NUP98: variants seen among roughly 807,000 people sequenced by gnomAD.
NUP98 encodes nucleoporin 98 and 96 precursor, also known as nuclear pore complex protein Nup98-Nup96.
In NUP98, 26 loss-of-function variants were observed where a neutral mutation model predicts 191.9. The ratio of observed to expected loss-of-function variants is 0.14; its 90% CI spans 0.10 to 0.19. NUP98 has a LOEUF of 0.19. Among genes scored for constraint, NUP98 ranks in the 10% least tolerant of loss-of-function variants. The pLI is 1.00. For synonymous variants in NUP98, 808 were observed against 778.4 expected (o/e 1.04, Z -0.63); for missense variants, 1,941 against 2,178.8 (o/e 0.89, Z 2.17).
intron 1 of NUP98, among the ~76,000 whole-genome samples, chr11:3,785,064 A>G (rs1309277838): frequency 1.3e-5 from 2 of 151,016 alleles, no homozygotes; most frequent in East Asian, 4.0e-4. Context: ...CTTGAACCCC[A>G]GAGGTGGAGC....
rs2077790060 is a variant in NUP98, at chr11:3,675,824, A to G, written c.*335T>C. ...GGGAAGCTGGTTGGCATGGAGGGTC[A>G]CAAGATCCAGAATGGCTAGGGATGG... On this transcript the variant is annotated 3_prime_UTR_variant, in exon 33 of 33. Transcript: ENST00000324932. 1 of 405,078 alleles carries G rather than the reference A, an allele frequency of 2.5e-6. No homozygotes were observed. Among genetic ancestry groups the G allele is most frequent in the Non-Finnish European group, 4.5e-6 (1 of 220,252 alleles). 25.1% of individuals were successfully genotyped at this position (405,078 alleles called of 1,614,324 possible).
chr11:3,758,282 C>T (rs894784673), intron 10 of NUP98, among the ~76,000 whole-genome samples: 2 of 150,498 alleles, frequency 1.3e-5, no homozygotes, highest in African/African-American at 4.9e-5. Flanking sequence ...TATCTGGCCA[C>T]TGCACTCCCG....
At chr11:3,727,091 T>C (rs1193129866) in intron 14 of NUP98, among the ~76,000 whole-genome samples, 1 of 152,092 alleles carries the variant, frequency 6.6e-6, no homozygotes, top group African/African-American at 2.4e-5. Flanking sequence ...CAAACTTTTC[T>C]AGAAAATAGA....
chr11:3,675,106 T>A lies in NUP98; in HGVS notation c.*1053A>T, dbSNP rs562295045. The A allele has an allele frequency of 2.7e-5, 5 of 182,958 alleles. No homozygotes were observed. The highest frequency in any genetic ancestry group is 7.1e-5 in the African/African-American group (3 of 42,454). 11.3% of individuals were successfully genotyped at this position (182,958 alleles called of 1,614,324 possible). The stretch of plus-strand genomic sequence containing the variant: ...ATCATTTATTTATACATATATATAT[T>A]TTTTAATAAAAACCTTTACATTATC... On this transcript the variant is annotated 3_prime_UTR_variant, in exon 33 of 33. Coordinates refer to ENST00000324932, the MANE Select transcript of NUP98 (RefSeq NM_016320.5).
At chr11:3,714,814 AG>A (rs1320837268) in intron 18 of NUP98, 1 of 152,458 alleles carries the variant, frequency 6.6e-6, no homozygotes, top group Non-Finnish European at 1.5e-5. Context: ...TATCCTTGTG[AG>A]GGACCATGCT....
intron 1 of NUP98, among the ~76,000 whole-genome samples, chr11:3,794,140 A>G (rs1247318703): frequency 5.3e-5 from 8 of 152,124 alleles, no homozygotes; most frequent in African/African-American, 1.4e-4. Context: ...ATATCCTACA[A>G]TATACAACAG....
intron 20 of NUP98, among the ~76,000 whole-genome samples, chr11:3,709,674 GAA>G (rs767248887): frequency 1.7e-4 from 23 of 132,078 alleles, no homozygotes; most frequent in African/African-American, 5.8e-4. Flanking sequence ...CTTTGCCTCA[GAA>G]AAAAAAAAAA....
intron 28 of NUP98, among the ~76,000 whole-genome samples, chr11:3,690,061 C>T (rs2078262161): frequency 6.7e-6 from 1 of 149,938 alleles, no homozygotes; most frequent in Non-Finnish European, 1.5e-5. Context: ...AAGTGATTCT[C>T]CTGCCTCAGT....
chr11:3,706,607 C>G lies in NUP98; in HGVS notation c.2763G>C (p.Glu921Asp). 1 of 1,613,916 alleles carries G rather than the reference C, an allele frequency of 6.2e-7. No individual in the cohort carries two copies. The highest frequency in any genetic ancestry group is 8.5e-7 in the Non-Finnish European group (1 of 1,179,988). The change falls in exon 21 of 33, where the codon GAG (glutamate) becomes GAC (aspartate). Residue 921 changes from glutamate (E) to aspartate (D), a missense_variant. Physicochemically the swap from Glu to Asp is conservative, Grantham distance 45 (BLOSUM62 2). Coordinates refer to ENST00000324932, the MANE Select transcript of NUP98 (RefSeq NM_016320.5). ...PPPQSQSPEV[E>D]QLGRVVELDS... ...CCAGTTCCACAACCCTCCCTAACTGCTCCACCTCTGGGCTCTGGCTCTGTA... is the reference window on the plus strand; with the variant it reads ...CCAGTTCCACAACCCTCCCTAACTGGTCCACCTCTGGGCTCTGGCTCTGTA...
chr11:3,775,919 A>G lies in NUP98; in HGVS notation c.458T>C (p.Phe153Ser). 6.2e-7 allele frequency: 1 copy of G among 1,613,976 alleles called. No individual in the cohort carries two copies. The highest frequency in any genetic ancestry group is 1.3e-5 in the African/African-American group (1 of 75,038). The change falls in exon 5 of 33, where the codon TTT (phenylalanine) becomes TCT (serine). Residue 153 changes from phenylalanine to serine, a missense_variant. Phe to Ser is a radical substitution (Grantham distance 155). Around this residue, in one of 6 missense-constraint regions of NUP98, gnomAD observed 154 missense variants for 182.9 expected, o/e 0.84. Coordinates refer to ENST00000324932, the MANE Select transcript of NUP98 (RefSeq NM_016320.5). ...TSGSLFGPSSFTAAPTGTTIK... is the reference protein window; with the variant it reads ...TSGSLFGPSSSTAAPTGTTIK... ...AGTAGTCCCAGTAGGAGCAGCTGTA[A>G]AACTACTTGGCCCAAAGAGGGAGCC...
chr11:3,739,743 G>A (rs1564867914), intron 12 of NUP98, among the ~76,000 whole-genome samples: 1 of 152,138 alleles, frequency 6.6e-6, no homozygotes, highest in Non-Finnish European at 1.5e-5. Context: ...CTAGGGGAAA[G>A]ATGTGGACAG....
At chr11:3,780,665 G>A (rs943518748) in intron 2 of NUP98, among the ~76,000 whole-genome samples, 3 of 151,916 alleles carry the variant, frequency 2.0e-5, no homozygotes, top group African/African-American at 4.8e-5. Context: ...GCCCAGTGCC[G>A]TGGCTTATGC....
At chr11:3,782,797 G>C (rs1204918427) in intron 1 of NUP98, among the ~76,000 whole-genome samples, 1 of 151,838 alleles carries the variant, frequency 6.6e-6, no homozygotes, top group Non-Finnish European at 1.5e-5. Flanking sequence ...CCACCCACCT[G>C]GGTGCTGAGA....
chr11:3,701,791 T>C (rs1444291107), intron 23 of NUP98, among the ~76,000 whole-genome samples: 1 of 151,172 alleles, frequency 6.6e-6, no homozygotes, highest in Non-Finnish European at 1.5e-5. Context: ...GTTCACACCA[T>C]TCTCCTGCCT....
rs866230425 is a variant in NUP98 at position 3,743,823 on chromosome 11, G to T, written c.1408+686C>A. On this transcript the variant is annotated intron_variant, in intron 12 of 32. Transcript: ENST00000324932. ...AATCCTTGCACTTTGGGAGGCCGAG[G>T]TGGGCGGATCACGAGGTCAGGAATT... 7.2e-5 allele frequency among the ~76,000 whole-genome samples: 11 copies of T among 151,972 alleles called. No individual in the cohort carries two copies. The Middle Eastern group carries it at 0.01, about 141-fold the overall frequency.
chr11:3,700,664 G>T lies in NUP98; in HGVS notation c.3688C>A (p.His1230Asn), dbSNP rs2078650710. The T allele has an allele frequency of 1.2e-6, 2 of 1,614,064 alleles. No homozygotes were observed. The highest frequency in any genetic ancestry group is 1.7e-6 in the Non-Finnish European group (2 of 1,180,018). ...IVPNLGVAVI[H>N]DYADWVKEAS... ...TCTTTAACCCAATCTGCATAGTCAT[G>T]AATGACAGCAACTCCCAGATTGGGG... Residue 1230 changes from histidine (H) to asparagine (N), a missense_variant, in exon 24 of 33, where the codon CAT becomes AAT. By Grantham distance (68) the His-to-Asn change is moderately conservative. Transcript: ENST00000324932.
At chr11:3,687,402 A>G (rs989551638) in intron 28 of NUP98, among the ~76,000 whole-genome samples, 1 of 152,176 alleles carries the variant, frequency 6.6e-6, no homozygotes, top group Admixed American at 6.6e-5. Flanking sequence ...AGTCCAATTT[A>G]CCAATTTTTT....
At chr11:3,759,250 C>G (rs2081081632) in intron 10 of NUP98, among the ~76,000 whole-genome samples, 1 of 152,198 alleles carries the variant, frequency 6.6e-6, no homozygotes, top group Non-Finnish European at 1.5e-5. Flanking sequence ...CTTCCCATAT[C>G]TGATCTGACA....
intron 14 of NUP98, among the ~76,000 whole-genome samples, chr11:3,725,471 C>G (rs1002753947): frequency 2.6e-5 from 4 of 152,140 alleles, no homozygotes; most frequent in Non-Finnish European, 5.9e-5. Flanking sequence ...TGGAAAATCC[C>G]CTTGAAAACT....
Sources: allele counts gnomAD v4.1 joint callset (sites outside exome capture counted in the v4.1 genomes callset), GRCh38; gene constraint gnomAD v4.1.1; regional missense constraint gnomAD v4.1.1; transcripts MANE v1.5; gene names NCBI Gene and HGNC (gene_info 2026-07-23, HGNC 2026-07-21).